OPN5: variants seen among roughly 807,000 people sequenced by gnomAD.
OPN5 encodes the protein opsin 5.
OPN5 carries 18 observed loss-of-function variants against 41.7 expected under a neutral mutation model. That is an observed-to-expected ratio of 0.43 (90% CI 0.30 to 0.64). OPN5 has a LOEUF of 0.64. Ranked by LOEUF, OPN5 falls within the 30% of genes least tolerant of loss-of-function variation. The pLI is 0.13. For synonymous variants in OPN5, 178 were observed against 164.3 expected (o/e 1.08, Z -0.64); for missense variants, 318 against 434.5 (o/e 0.73, Z 2.38).
chr6:47,811,348 T>C lies in OPN5; in HGVS notation c.999-326T>C, dbSNP rs367557605. 2.0e-5 allele frequency among the ~76,000 whole-genome samples: 3 copies of C among 152,078 alleles called. No individual in the cohort carries two copies. The South Asian group carries it at 6.2e-4, about 31-fold the overall frequency. On this transcript the variant is annotated intron_variant, in intron 5 of 6. Transcript: ENST00000371211. ...GCAATGCTGTCTTCATAAAGAACAT[T>C]CCTTCAGTAGGTGAATCACAAGGCC...
intron 6 of OPN5, among the ~76,000 whole-genome samples, chr6:47,820,782 C>T (rs1037482805): frequency 1.3e-5 from 2 of 151,958 alleles, no homozygotes; most frequent in African/African-American, 4.8e-5. Context: ...TACAGTCGAC[C>T]CTTGAACAAT....
intron 6 of OPN5, among the ~76,000 whole-genome samples, chr6:47,819,535 G>T (rs1762539830): frequency 6.6e-6 from 1 of 150,856 alleles, no homozygotes; most frequent in Non-Finnish European, 1.5e-5. Context: ...ATTATTAACA[G>T]TTCATCATTC....
At position 47,823,162 on chromosome 6, in the gene OPN5, A is replaced by G. The variant is rs146549581; in HGVS notation, c.1057-821A>G. Among the ~76,000 whole-genome samples, 85 of 152,334 alleles carry G rather than the reference A, an allele frequency of 5.6e-4. 1 individual carries two copies. Among genetic ancestry groups the G allele is most frequent in the South Asian group, 3.9e-3 (19 of 4,828 alleles). On this transcript the variant is annotated intron_variant, in intron 6 of 6. Coordinates refer to ENST00000371211, the Ensembl canonical transcript of OPN5. ...GCATATTGATGTTGAATGAGACACA[A>G]ATTTAACCCTCAAGGAGCTTATACT...
At chr6:47,816,331 G>A (rs1762429234) in intron 6 of OPN5, among the ~76,000 whole-genome samples, 1 of 152,138 alleles carries the variant, frequency 6.6e-6, no homozygotes, top group African/African-American at 2.4e-5. Context: ...ACTTTGATGA[G>A]AGAAACTGCA....
chr6:47,811,986 T>C (rs556175413), intron 6 of OPN5: 2 of 278,924 alleles, frequency 7.2e-6, no homozygotes, highest in Admixed American at 9.9e-5. Context: ...TAAAACCTAT[T>C]GTCATGCCAA....
chr6:47,811,583 T>A, intron 5 of OPN5, 91 bp from the exon 6 acceptor site: 1 of 632,404 alleles, frequency 1.6e-6, no homozygotes, highest in South Asian at 2.7e-5. Flanking sequence ...TAGTAGTCGT[T>A]TGACATATAC....
chr6:47,824,161 G>A (rs1438960147), exon 7 of OPN5: 1 of 621,492 alleles, frequency 1.6e-6, no homozygotes, highest in African/African-American at 1.8e-5. Flanking sequence ...CACCCTAGGA[G>A]TATCCAAGTA....
In OPN5 at chr6:47,807,153, A is replaced by C. The variant is rs545363797; in HGVS notation, c.757-1001A>C. 2.0e-5 allele frequency among the ~76,000 whole-genome samples: 3 copies of C among 152,278 alleles called. No individual in the cohort carries two copies. In the East Asian group the frequency reaches 5.8e-4, roughly 29 times the overall value. ...GCCTGGGCAACAAGAGCGAAACTTC[A>C]TCTCAAAAAAGAAACGCCCCAATTT... On this transcript the variant is annotated intron_variant, in intron 4 of 6. Transcript: ENST00000371211.
At chr6:47,788,249 G>T (rs1484970430) in intron 2 of OPN5, among the ~76,000 whole-genome samples, 1 of 152,226 alleles carries the variant, frequency 6.6e-6, no homozygotes, top group Admixed American at 6.5e-5. Flanking sequence ...CAACAGGAAC[G>T]GTAGCTTTCC....
intron 6 of OPN5, among the ~76,000 whole-genome samples, chr6:47,814,095 G>A (rs1762353722): frequency 6.6e-6 from 1 of 152,036 alleles, no homozygotes. Context: ...AGTGAAGCAG[G>A]TAGAACAAAA....
At chr6:47,786,515 G>A (rs769031545) in exon 2 of OPN5, 2 of 1,606,972 alleles carry the variant, frequency 1.2e-6, no homozygotes, top group South Asian at 2.2e-5. Context: ...TTCCTTGTAG[G>A]GATTCTGTCC....
intron 6 of OPN5, among the ~76,000 whole-genome samples, chr6:47,813,992 G>A (rs144985020): frequency 1.1e-4 from 16 of 152,106 alleles, no homozygotes; most frequent in Admixed American, 5.9e-4. Flanking sequence ...TTCAAAACCG[G>A]TAGTTAAAAA....
exon 7 of OPN5, chr6:47,824,239 C>T: frequency 1.8e-6 from 1 of 554,222 alleles, no homozygotes; most frequent in Non-Finnish European, 3.2e-6. Context: ...GAAACCCACG[C>T]TTTAAACATC....
intron 3 of OPN5, among the ~76,000 whole-genome samples, chr6:47,792,999 T>C (rs1219056895): frequency 6.8e-6 from 1 of 146,968 alleles, no homozygotes; most frequent in Non-Finnish European, 1.5e-5. Context: ...TTTTTTTTTT[T>C]AAAGTTTACA....
At chr6:47,801,154 A>T (rs1301955290) in intron 4 of OPN5, among the ~76,000 whole-genome samples, 6 of 152,174 alleles carry the variant, frequency 3.9e-5, no homozygotes, top group South Asian at 2.1e-4. Flanking sequence ...CTTTTGTAAG[A>T]CAGTAAGTGA....
chr6:47,814,706 A>G (rs1762377391), intron 6 of OPN5, among the ~76,000 whole-genome samples: 1 of 152,150 alleles, frequency 6.6e-6, no homozygotes, highest in African/African-American at 2.4e-5. Context: ...AGTGGCTTCC[A>G]ATGATTTGAG....
rs1363402346 is a variant in OPN5 at position 47,819,336 on chromosome 6, A to AATATATATATAT, written c.1057-4641_1057-4630dup. On this transcript the variant is annotated intron_variant, in intron 6 of 6. Transcript: ENST00000371211. Reference sequence around the variant, plus strand: ...TCTCTAAGTAATTCTGAAAATTAGGAATATATATATATATATAAAAAATAT... The same window carrying AATATATATATAT: ...TCTCTAAGTAATTCTGAAAATTAGGAATATATATATATATATATATATATATATAAAAAATAT... Among the ~76,000 whole-genome samples, 4 of 24,320 alleles carry AATATATATATAT rather than the reference A, an allele frequency of 1.6e-4. 1 individual carries two copies. Among genetic ancestry groups the AATATATATATAT allele is most frequent in the African/African-American group, 4.2e-4 (3 of 7,154 alleles). 16.0% of individuals were successfully genotyped at this position (24,320 alleles called of 152,430 possible).
intron 5 of OPN5, among the ~76,000 whole-genome samples, chr6:47,810,137 A>G (rs1273529274): frequency 6.6e-6 from 1 of 152,248 alleles, no homozygotes; most frequent in African/African-American, 2.4e-5. Context: ...TTAGCCGTTT[A>G]TACGAAATAT....
intron 3 of OPN5, among the ~76,000 whole-genome samples, chr6:47,794,592 G>A (rs1004435226): frequency 6.6e-6 from 1 of 152,184 alleles, no homozygotes; most frequent in African/African-American, 2.4e-5. Flanking sequence ...GAATTACTTT[G>A]CAGAACATGA....
Sources: allele counts gnomAD v4.1 joint callset (sites outside exome capture counted in the v4.1 genomes callset), GRCh38; gene constraint gnomAD v4.1.1; transcripts MANE v1.5; gene names NCBI Gene and HGNC (gene_info 2026-07-23, HGNC 2026-07-21).